The following ACER3 variants were observed in gnomAD, a reference collection of about 807,000 sequenced individuals.
The protein encoded by ACER3 is alkCDase 3.
In ACER3, 16 loss-of-function variants were observed where a neutral mutation model predicts 48.9. The ratio of observed to expected loss-of-function variants is 0.33; its 90% CI spans 0.22 to 0.50. The LOEUF (loss-of-function observed/expected upper bound fraction) is 0.50, where lower values mean the gene tolerates loss of function less well. Ranked by LOEUF, ACER3 falls within the 20% of genes least tolerant of loss-of-function variation. ACER3 has a pLI of 0.98. For missense variants in ACER3, 227 were observed against 326.0 expected (o/e 0.70, Z 2.34); for synonymous variants, 109 against 107.8 (o/e 1.01, Z -0.07).
At chr11:76,890,217 A>G (rs1305587871) in intron 1 of ACER3, among the ~76,000 whole-genome samples, 1 of 152,180 alleles carries the variant, frequency 6.6e-6, no homozygotes, top group Non-Finnish European at 1.5e-5. Context: ...ATAAATATTT[A>G]TTGGATGAAT....
At chr11:76,915,899 C>T (rs942552007) in intron 1 of ACER3, among the ~76,000 whole-genome samples, 1 of 152,204 alleles carries the variant, frequency 6.6e-6, no homozygotes, top group African/African-American at 2.4e-5. Flanking sequence ...GAACCACCCA[C>T]ATAATCCAAT....
chr11:76,956,819 G>C (rs900723405), intron 2 of ACER3, among the ~76,000 whole-genome samples: 12 of 151,034 alleles, frequency 7.9e-5, no homozygotes, highest in Admixed American at 5.3e-4. Context: ...AAAAAGGCAC[G>C]AACCACCCCA....
intron 1 of ACER3, among the ~76,000 whole-genome samples, chr11:76,917,564 T>C (rs1590928794): frequency 6.6e-6 from 1 of 150,726 alleles, no homozygotes; most frequent in African/African-American, 2.4e-5. Context: ...AAAACCAAAA[T>C]ATATATAATT....
intron 6 of ACER3, among the ~76,000 whole-genome samples, chr11:76,997,897 AGTAT>A (rs1948947985): frequency 6.6e-6 from 1 of 152,154 alleles, no homozygotes; most frequent in Non-Finnish European, 1.5e-5. Flanking sequence ...AAAAGCAAAC[AGTAT>A]TATTATTACT....
intron 1 of ACER3, among the ~76,000 whole-genome samples, chr11:76,866,208 T>G (rs1945086964): frequency 6.6e-6 from 1 of 152,212 alleles, no homozygotes; most frequent in African/African-American, 2.4e-5. Context: ...TAATTCTGTT[T>G]ATGTTTGATT....
chr11:76,962,356 G>T lies in ACER3; in HGVS notation c.267+3325G>T, dbSNP rs911780046. Among the ~76,000 whole-genome samples the T allele has an allele frequency of 3.3e-5, 5 of 150,546 alleles. No homozygotes were observed. The East Asian group carries it at 9.7e-4, about 29-fold the overall frequency. On this transcript the variant is annotated intron_variant, in intron 3 of 10. Transcript: ENST00000532485. ...TGCCTCAGCCTCCTGAGTAGCTGGG[G>T]TTATAAGCACCCGCCACCATGCCTC...
At chr11:76,940,602 C>T (rs572261819) in intron 2 of ACER3, among the ~76,000 whole-genome samples, 172 of 152,164 alleles carry the variant, frequency 1.1e-3, no homozygotes, top group Non-Finnish European at 1.8e-3. Flanking sequence ...AAGTGGGTAG[C>T]GATTATAGGA....
intron 3 of ACER3, among the ~76,000 whole-genome samples, chr11:76,962,125 C>T (rs767434896): frequency 6.6e-6 from 1 of 150,720 alleles, no homozygotes; most frequent in African/African-American, 2.5e-5. Flanking sequence ...TCTTGGCTCA[C>T]GGCAACCTCT....
intron 1 of ACER3, among the ~76,000 whole-genome samples, chr11:76,902,392 A>T (rs966402868): frequency 6.6e-6 from 1 of 152,338 alleles, no homozygotes; most frequent in Admixed American, 6.5e-5. Context: ...TTTCAATACA[A>T]GATAAAAAGG....
intron 7 of ACER3, 151 bp downstream of exon 7, chr11:76,998,972 A>G (rs1948972421): frequency 5.6e-6 from 3 of 539,840 alleles, no homozygotes; most frequent in Non-Finnish European, 8.9e-6. Flanking sequence ...TTATATTATA[A>G]GGAATACTGG....
At chr11:76,958,933 G>A (rs545152313) in intron 2 of ACER3, 46 bp from the exon 3 acceptor site, 52 of 1,597,336 alleles carry the variant, frequency 3.3e-5, no homozygotes, top group South Asian at 2.4e-4. Flanking sequence ...CACTGTCCAC[G>A]CACAAAGAAT....
chr11:76,868,209 A>G (rs914024634), intron 1 of ACER3: 2 of 1,289,702 alleles, frequency 1.6e-6, no homozygotes, highest in African/African-American at 3.0e-5. Flanking sequence ...CTGGGCTGGC[A>G]GAGGTGACAT....
chr11:76,934,101 A>G (rs1250971265), intron 2 of ACER3, among the ~76,000 whole-genome samples: 2 of 149,244 alleles, frequency 1.3e-5, no homozygotes, highest in Admixed American at 6.6e-5. Flanking sequence ...GCGGCCAGGA[A>G]GAGGCACTCC....
chr11:77,017,465 A>G (rs781846816), intron 9 of ACER3, among the ~76,000 whole-genome samples: 2 of 152,240 alleles, frequency 1.3e-5, no homozygotes, highest in Non-Finnish European at 2.9e-5. Flanking sequence ...CATAAAAGAA[A>G]TTAAGCAAAA....
intron 2 of ACER3, among the ~76,000 whole-genome samples, chr11:76,945,941 C>T (rs915617430): frequency 6.6e-6 from 1 of 152,170 alleles, no homozygotes; most frequent in Non-Finnish European, 1.5e-5. Flanking sequence ...GTCTGTTTTC[C>T]CTGTGCCTCC....
chr11:76,986,683 C>A (rs1039551876), intron 5 of ACER3, among the ~76,000 whole-genome samples: 1 of 152,180 alleles, frequency 6.6e-6, no homozygotes, highest in African/African-American at 2.4e-5. Flanking sequence ...AATTGAAGAG[C>A]AGTGAATGAG....
chr11:76,964,284 C>T (rs1219646113), intron 3 of ACER3, among the ~76,000 whole-genome samples: 1 of 151,344 alleles, frequency 6.6e-6, no homozygotes, highest in African/African-American at 2.5e-5. Flanking sequence ...CTGCCATTGC[C>T]GAGGCTTGAG....
chr11:76,960,849 C>T (rs73491408), intron 3 of ACER3, among the ~76,000 whole-genome samples: 3,998 of 152,194 alleles, frequency 0.026, 171 homozygotes, highest in African/African-American at 0.091. Flanking sequence ...AGAAGGGTGT[C>T]CTCCCAAGTT....
chr11:76,900,666 TAGTA>T (rs1946056052), intron 1 of ACER3, among the ~76,000 whole-genome samples: 1 of 152,102 alleles, frequency 6.6e-6, no homozygotes, highest in South Asian at 2.1e-4. Flanking sequence ...TTAATCAAAA[TAGTA>T]AATAAAATAA....
Sources: gnomAD v4.1 joint callset for allele counts (sites outside exome capture counted in the v4.1 genomes callset) on GRCh38, gnomAD v4.1.1 for gene constraint, MANE v1.5 for transcripts, NCBI Gene and HGNC (gene_info 2026-07-23, HGNC 2026-07-21) for gene names.